The following LUC7L2 variants were observed in gnomAD, a reference collection of about 807,000 sequenced individuals.
The protein encoded by LUC7L2 is putative RNA-binding protein Luc7-like 2.
In LUC7L2, 25 loss-of-function variants were observed where a neutral mutation model predicts 52.8. The ratio of observed to expected loss-of-function variants is 0.47; its 90% confidence interval spans 0.34 to 0.66. The LOEUF (loss-of-function observed/expected upper bound fraction) is 0.66. LUC7L2 is among the 30% of genes least tolerant of loss of function. The pLI is 0.01. For synonymous variants in LUC7L2, 144 were observed against 160.9 expected (o/e 0.89, Z 0.80); for missense variants, 328 against 497.8 (o/e 0.66, Z 3.25).
chr7:139,397,559 C>G (rs938935978), intron 2 of LUC7L2, among the ~76,000 whole-genome samples: 8 of 152,106 alleles, frequency 5.3e-5, no homozygotes, highest in African/African-American at 1.7e-4. Flanking sequence ...TTTTACCAAC[C>G]CTCCAGAGAT....
upstream of LUC7L2, chr7:139,359,726 G>T (rs552370418): frequency 2.5e-6 from 1 of 399,588 alleles, no homozygotes; most frequent in Non-Finnish European, 4.4e-6. Flanking sequence ...GTCAGTTAAG[G>T]AACCAGAGTA....
At chr7:139,358,314 TAC>T (rs1227149095), upstream of LUC7L2, among the ~76,000 whole-genome samples, 4 of 152,202 alleles carry the variant, frequency 2.6e-5, no homozygotes, top group Non-Finnish European at 5.9e-5. Context: ...AGCCGCAATA[TAC>T]ATTTAAAGGA....
intron 1 of LUC7L2, among the ~76,000 whole-genome samples, chr7:139,343,557 G>A (rs1799105404): frequency 6.6e-6 from 1 of 152,066 alleles, no homozygotes; most frequent in Non-Finnish European, 1.5e-5. Context: ...TCCAGCATAG[G>A]CCACGGAGCG....
intron 1 of LUC7L2, among the ~76,000 whole-genome samples, chr7:139,361,022 T>C (rs533145634): frequency 4.9e-4 from 74 of 152,332 alleles, no homozygotes; most frequent in African/African-American, 1.7e-3. Context: ...AACAGAACGA[T>C]TTTGAAAATT....
chr7:139,388,350 T>A (rs1377731981), intron 2 of LUC7L2, among the ~76,000 whole-genome samples: 1 of 152,028 alleles, frequency 6.6e-6, no homozygotes, highest in Non-Finnish European at 1.5e-5. Flanking sequence ...ATCTTTACTT[T>A]GGGAAAAATA....
intron 1 of LUC7L2, among the ~76,000 whole-genome samples, chr7:139,370,753 T>C (rs1041108075): frequency 3.3e-5 from 5 of 152,170 alleles, no homozygotes; most frequent in African/African-American, 1.2e-4. Flanking sequence ...CTGTGCCCAG[T>C]GACACAAGGT....
Position 139,344,695 on chromosome 7 carries a change from CTTTTTTTTTTT to C in LUC7L2, c.-26+4190_-26+4200del, listed in dbSNP as rs1026301999. Among the ~76,000 whole-genome samples the C allele has an allele frequency of 2.6e-5, 3 of 116,362 alleles. No individual in the cohort carries two copies. The East Asian group carries it at 7.8e-4, about 30-fold the overall frequency. 76.3% of individuals were successfully genotyped at this position (116,362 alleles called of 152,430 possible). A position where few individuals can be genotyped will look rare whatever the true frequency, so the allele number is the denominator to read the frequency against. Reference sequence around the variant, plus strand: ...CAGACAAAAGTTTTCAATTTTCTTTCTTTTTTTTTTTTTTTTTTTTTTGTTGAGATGGAGTC... The same window carrying C: ...CAGACAAAAGTTTTCAATTTTCTTTCTTTTTTTTTTTGTTGAGATGGAGTC... On this transcript the variant is annotated intron_variant, in intron 1 of 10. Coordinates refer to the LUC7L2 transcript ENST00000541170.
intron 1 of LUC7L2, among the ~76,000 whole-genome samples, chr7:139,372,358 G>A (rs1294860315): frequency 1.3e-5 from 2 of 152,066 alleles, no homozygotes; most frequent in East Asian, 3.9e-4. Context: ...TCTACATGAA[G>A]CCATTTGCCA....
chr7:139,416,005 A>G (rs1795582252), intron 8 of LUC7L2: 1 of 118,028 alleles, frequency 8.5e-6, no homozygotes, highest in Non-Finnish European at 1.7e-5. Flanking sequence ...ACATTCTTAA[A>G]GTGACTTAAA....
chr7:139,375,193 CT>C, intron 1 of LUC7L2: 1 of 983,924 alleles, frequency 1.0e-6, no homozygotes, highest in African/African-American at 1.7e-5. Flanking sequence ...GTTATTGGAG[CT>C]AGTTACCTTT....
chr7:139,360,961 A>G (rs1262053357), intron 1 of LUC7L2, among the ~76,000 whole-genome samples: 1 of 152,194 alleles, frequency 6.6e-6, no homozygotes, highest in African/African-American at 2.4e-5. Context: ...TTTGTTAGAC[A>G]ATTTAATAGA....
chr7:139,373,738 C>A (rs1242754046), intron 1 of LUC7L2, among the ~76,000 whole-genome samples: 3 of 152,122 alleles, frequency 2.0e-5, no homozygotes, highest in Non-Finnish European at 2.9e-5. Context: ...AAGCACAAAT[C>A]AGTTACTCTG....
chr7:139,345,968 T>TG (rs1318136523), intron 1 of LUC7L2: 2 of 243,750 alleles, frequency 8.2e-6, no homozygotes, highest in African/African-American at 4.7e-5. Flanking sequence ...CCAGGCACGG[T>TG]GGCTCACGCC....
At chr7:139,367,181 A>G (rs1236735296) in intron 1 of LUC7L2, among the ~76,000 whole-genome samples, 1 of 152,068 alleles carries the variant, frequency 6.6e-6, no homozygotes, top group Non-Finnish European at 1.5e-5. Context: ...CATGTTGGCC[A>G]GGCTGGTCTC....
chr7:139,359,157 T>A (rs1479895232), upstream of LUC7L2: 1 of 152,238 alleles, frequency 6.6e-6, no homozygotes, highest in East Asian at 1.9e-4. Context: ...GGCTTCAGAA[T>A]CCAGGCTTCC....
chr7:139,406,082 G>T (rs569510324), intron 5 of LUC7L2, among the ~76,000 whole-genome samples: 13 of 152,072 alleles, frequency 8.5e-5, no homozygotes, highest in Non-Finnish European at 1.9e-4. Flanking sequence ...ATGGAGTTTT[G>T]CTCTTCTTGC....
chr7:139,400,750 T>C (rs1420656307), intron 3 of LUC7L2, among the ~76,000 whole-genome samples: 4 of 152,194 alleles, frequency 2.6e-5, no homozygotes, highest in African/African-American at 9.7e-5. Flanking sequence ...GTCCATCTTT[T>C]CTCTCACTGC....
At chr7:139,369,177 A>G (rs1295312406) in intron 1 of LUC7L2, among the ~76,000 whole-genome samples, 1 of 152,174 alleles carries the variant, frequency 6.6e-6, no homozygotes, top group Non-Finnish European at 1.5e-5. Context: ...TTTTGTATAT[A>G]GAAAGTTCTG....
At chr7:139,381,878 A>ATTTTTTT (rs57302073) in intron 2 of LUC7L2, among the ~76,000 whole-genome samples, 5 of 105,176 alleles carry the variant, frequency 4.8e-5, no homozygotes, top group Admixed American at 1.3e-4. Flanking sequence ...GCCTGGCCTA[A>ATTTTTTT]TTTTTTTTTT....
Sources: gnomAD v4.1 joint callset for allele counts (sites outside exome capture counted in the v4.1 genomes callset) on GRCh38, gnomAD v4.1.1 for gene constraint, MANE v1.5 for transcripts, NCBI Gene and HGNC (gene_info 2026-07-23, HGNC 2026-07-21) for gene names.